The following KCTD21 variants were observed in gnomAD, a reference collection of about 807,000 sequenced individuals.
KCTD21 encodes the protein potassium channel tetramerization domain containing 21.
In KCTD21, 9 loss-of-function variants were observed where a neutral mutation model predicts 13.2. That is an observed-to-expected ratio of 0.68 (90% CI 0.41 to 1.19). KCTD21 has a LOEUF of 1.19. Ranked by LOEUF, KCTD21 falls within the 50% of genes most tolerant of loss-of-function variation. The pLI is 0.01. For missense variants in KCTD21, 303 were observed against 336.5 expected, an observed-to-expected ratio of 0.90 and a Z score of 0.78; for synonymous variants, 142 against 137.4, an observed-to-expected ratio of 1.03 and a Z score of -0.23.
intron 1 of KCTD21, among the ~76,000 whole-genome samples, chr11:78,180,586 A>C (rs1862587540): frequency 6.6e-6 from 1 of 152,276 alleles, no homozygotes; most frequent in Non-Finnish European, 1.5e-5. Context: ...CAATCACATG[A>C]AAAGATGGTC....
intron 1 of KCTD21, chr11:78,188,112 G>A: frequency 3.0e-6 from 3 of 985,386 alleles, no homozygotes; most frequent in South Asian, 9.4e-5. Context: ...GGGCTCTCCA[G>A]AGCGGGGCAA....
chr11:78,174,272 C>T lies in KCTD21; in HGVS notation c.283G>A (p.Ala95Thr). The change falls in exon 2 of 2, where the codon GCC becomes ACC. Residue 95 changes from alanine to threonine, a missense_variant. Transcript: ENST00000340067. Reference protein sequence around the residue: ...DFYQVQPLIEALQEKEVELSK... With the variant: ...DFYQVQPLIETLQEKEVELSK... ...AGCTCCACTTCCTTCTCCTGCAGGG[C>T]CTCAATCAGGGGCTGCACCTGGTAG... 6.2e-7 allele frequency: 1 copy of T among 1,614,074 alleles called. No homozygotes were observed. The highest frequency in any genetic ancestry group is 8.5e-7 in the Non-Finnish European group (1 of 1,180,024).
chr11:78,182,170 A>C (rs1862643405), intron 1 of KCTD21, among the ~76,000 whole-genome samples: 1 of 152,100 alleles, frequency 6.6e-6, no homozygotes, highest in Admixed American at 6.6e-5. Context: ...TTCCCAAGTG[A>C]TAATAGCTAT....
intron 1 of KCTD21, chr11:78,187,183 G>T: frequency 4.1e-6 from 4 of 985,360 alleles, no homozygotes; most frequent in Non-Finnish European, 4.8e-6. Context: ...GTGTTTTCCA[G>T]TAAGTGGGAG....
chr11:78,186,415 AC>A (rs1862773684), intron 1 of KCTD21, among the ~76,000 whole-genome samples: 1 of 141,660 alleles, frequency 7.1e-6, no homozygotes, highest in African/African-American at 2.7e-5. Flanking sequence ...AAAGAAAAGA[AC>A]TGGAGAGGCT....
At position 78,173,758 on chromosome 11, in the gene KCTD21, T is replaced by C. The variant is rs773860364; in HGVS notation, c.*14A>G. 3 of 1,589,214 alleles carry C rather than the reference T, an allele frequency of 1.9e-6. No individual in the cohort carries two copies. The highest frequency in any genetic ancestry group is 4.5e-5 in the East Asian group (2 of 44,584). Reference sequence around the variant, plus strand: ...TTCCTGGGACTCCCCATCTCCAGTGTTGTTGGGGTCCTTTTACCTGTACCG... The same window carrying C: ...TTCCTGGGACTCCCCATCTCCAGTGCTGTTGGGGTCCTTTTACCTGTACCG... On this transcript the variant is annotated 3_prime_UTR_variant, in exon 2 of 2. Transcript: ENST00000340067.
chr11:78,186,743 T>C (rs1862786394), intron 1 of KCTD21: 10 of 985,524 alleles, frequency 1.0e-5, no homozygotes, highest in Non-Finnish European at 1.2e-5. Flanking sequence ...CCATCCCCTC[T>C]GCCTGGACCT....
intron 1 of KCTD21, 185 bp downstream of exon 1, chr11:78,188,388 C>G: frequency 1.0e-6 from 1 of 985,738 alleles, no homozygotes; most frequent in Non-Finnish European, 1.2e-6. Context: ...GCTCTGCCCA[C>G]TTCGGCTCAC....
chr11:78,179,504 CTT>C (rs1418768287), intron 1 of KCTD21, among the ~76,000 whole-genome samples: 1 of 152,106 alleles, frequency 6.6e-6, no homozygotes, highest in Non-Finnish European at 1.5e-5. Flanking sequence ...TACAGTTTGT[CTT>C]GACTATCTCC....
chr11:78,186,399 A>AC (rs1862770427), intron 1 of KCTD21, among the ~76,000 whole-genome samples: 2 of 133,732 alleles, frequency 1.5e-5, no homozygotes, highest in Non-Finnish European at 3.3e-5. Flanking sequence ...AAAAAAAAAA[A>AC]AAAAAAAAGA....
intron 1 of KCTD21, among the ~76,000 whole-genome samples, chr11:78,176,042 A>G (rs1229531748): frequency 6.6e-6 from 1 of 152,188 alleles, no homozygotes; most frequent in Non-Finnish European, 1.5e-5. Context: ...AATTTCATCC[A>G]TGTCCCTACA....
In KCTD21 at chr11:78,174,271, G is replaced by T; in HGVS notation, c.284C>A (p.Ala95Asp). 1 of 1,614,050 alleles carries T rather than the reference G, an allele frequency of 6.2e-7. No individual in the cohort carries two copies. Among genetic ancestry groups the T allele is most frequent in the African/African-American group, 1.3e-5 (1 of 75,024 alleles). ...DFYQVQPLIE[A>D]LQEKEVELSK... The stretch of plus-strand genomic sequence containing the variant: ...GAGCTCCACTTCCTTCTCCTGCAGG[G>T]CCTCAATCAGGGGCTGCACCTGGTA... Residue 95 changes from alanine (A) to aspartate (D), a missense_variant, in exon 2 of 2, where the codon GCC (alanine) becomes GAC (aspartate). Coordinates refer to ENST00000340067, the MANE Select transcript of KCTD21 (RefSeq NM_001029859.3).
intron 1 of KCTD21, chr11:78,187,441 G>A (rs949532753): frequency 1.0e-5 from 10 of 983,750 alleles, no homozygotes; most frequent in Non-Finnish European, 1.2e-5. Flanking sequence ...AAGGCAGGAG[G>A]AGAGAAAGGT....
chr11:78,186,775 G>C (rs138708392), intron 1 of KCTD21: 1 of 985,354 alleles, frequency 1.0e-6, no homozygotes, highest in Non-Finnish European at 1.2e-6. Flanking sequence ...CCCATGCATC[G>C]GCCAGGTCTC....
At chr11:78,183,919 G>A (rs1862700847) in intron 1 of KCTD21, among the ~76,000 whole-genome samples, 1 of 152,158 alleles carries the variant, frequency 6.6e-6, no homozygotes, top group Non-Finnish European at 1.5e-5. Flanking sequence ...ACAGGCGTGA[G>A]CCACCGCACC....
Position 78,173,516 on chromosome 11 carries a change from T to C in KCTD21, c.*256A>G. ...AAAATCCTCCTATGGCCTCCTTTAG[T>C]ACACATCAGCTGACTCTTCACTTGT... is the stretch of plus-strand genomic sequence containing the variant. On this transcript the variant is annotated 3_prime_UTR_variant, in exon 2 of 2. Transcript: ENST00000340067. 1 of 460,110 alleles carries C rather than the reference T, an allele frequency of 2.2e-6. No individual in the cohort carries two copies. Among genetic ancestry groups the C allele is most frequent in the Admixed American group, 3.7e-5 (1 of 26,940 alleles). 28.5% of individuals were successfully genotyped at this position (460,110 alleles called of 1,614,324 possible). A position where few individuals can be genotyped will look rare whatever the true frequency, so the allele number is the denominator to read the frequency against.
In KCTD21 at chr11:78,174,238, G is replaced by A. The variant is rs368784234; in HGVS notation, c.317C>T (p.Ala106Val). 1.6e-4 allele frequency: 257 copies of A among 1,613,942 alleles called. No individual in the cohort carries two copies. Among genetic ancestry groups the A allele is most frequent in the Non-Finnish European group, 2.1e-4 (248 of 1,180,034 alleles). The change falls in exon 2 of 2, where the codon GCC becomes GTC. Residue 106 changes from alanine to valine, a missense_variant. Ala to Val is a moderately conservative substitution (Grantham distance 64). Transcript: ENST00000340067. ...GATGTTGAGCATGGCATTCTTCTCG[G>A]CCTTGGAGAGCTCCACTTCCTTCTC... Reference protein sequence around the residue: ...LQEKEVELSKAEKNAMLNITL... With the variant: ...LQEKEVELSKVEKNAMLNITL...
At position 78,174,113 on chromosome 11, in the gene KCTD21, T is replaced by A; in HGVS notation, c.442A>T (p.Ile148Phe). 1.9e-6 allele frequency: 3 copies of A among 1,614,148 alleles called. No homozygotes were observed. The highest frequency in any genetic ancestry group is 2.5e-6 in the Non-Finnish European group (3 of 1,180,030). Reference sequence around the variant, plus strand: ...AGGAAGAGGCAGGAGGTGCTGAAGATGTTGGCGTTGAAGACCTCCATGCTG... The same window carrying A: ...AGGAAGAGGCAGGAGGTGCTGAAGAAGTTGGCGTTGAAGACCTCCATGCTG... ...SSSMEVFNAN[I>F]FSTSCLFLKL... is the part of the protein sequence containing the mutation. Residue 148 changes from isoleucine to phenylalanine, a missense_variant, in exon 2 of 2, where the codon ATC becomes TTC. Physicochemically the swap from Ile to Phe is conservative, Grantham distance 21 (BLOSUM62 0). Coordinates refer to ENST00000340067, the MANE Select transcript of KCTD21 (RefSeq NM_001029859.3).
At position 78,173,523 on chromosome 11, in the gene KCTD21, C is replaced by T; in HGVS notation, c.*249G>A. On this transcript the variant is annotated 3_prime_UTR_variant, in exon 2 of 2. Transcript: ENST00000340067. ...TCCTATGGCCTCCTTTAGTACACATCAGCTGACTCTTCACTTGTCATAATA... is the reference window on the plus strand; with the variant it reads ...TCCTATGGCCTCCTTTAGTACACATTAGCTGACTCTTCACTTGTCATAATA... 2.1e-6 allele frequency: 1 copy of T among 477,682 alleles called. No homozygotes were observed. The allele number at this position is 477,682 out of a possible 1,614,324, so 29.6% of individuals were successfully genotyped here.
Sources: allele counts gnomAD v4.1 joint callset (sites outside exome capture counted in the v4.1 genomes callset), GRCh38; gene constraint gnomAD v4.1.1; transcripts MANE v1.5; gene names NCBI Gene and HGNC (gene_info 2026-07-23, HGNC 2026-07-21).